Variants in PTPN4 observed in about 807,000 individuals in gnomAD.
PTPN4 encodes the protein protein tyrosine phosphatase non-receptor type 4.
Under a neutral mutation model 135.5 loss-of-function variants are expected in PTPN4, and 49 were observed. The observed-to-expected ratio is 0.36, with a 90% confidence interval of 0.29 to 0.46. The LOEUF (loss-of-function observed/expected upper bound fraction) is 0.46, where lower values mean the gene tolerates loss of function less well. Among genes scored for constraint, PTPN4 ranks in the 20% least tolerant of loss-of-function variants. The probability of loss-of-function intolerance (pLI) is 1.00; values close to 1 mark genes in which losing one functional copy is unlikely to be tolerated. For missense variants in PTPN4, 860 were observed against 1,101.0 expected (o/e 0.78, Z 3.10); for synonymous variants, 333 against 369.9 (o/e 0.90, Z 1.14).
intron 8 of PTPN4, among the ~76,000 whole-genome samples, chr2:119,883,895 C>T (rs1392352370): frequency 6.6e-6 from 1 of 152,104 alleles, no homozygotes; most frequent in African/African-American, 2.4e-5. Flanking sequence ...GTATCTAAAA[C>T]AGGATAACAA....
intron 2 of PTPN4, among the ~76,000 whole-genome samples, chr2:119,828,001 G>C (rs1677169597): frequency 6.6e-6 from 1 of 152,160 alleles, no homozygotes; most frequent in African/African-American, 2.4e-5. Context: ...TTTTAACCCT[G>C]ACAGTAAAGT....
chr2:119,888,325 G>A (rs895059000), intron 9 of PTPN4, among the ~76,000 whole-genome samples: 3 of 151,984 alleles, frequency 2.0e-5, no homozygotes, highest in Non-Finnish European at 4.4e-5. Flanking sequence ...TTCCCAATTT[G>A]GATACCTTTT....
At chr2:119,775,132 A>G (rs1441752918) in intron 1 of PTPN4, among the ~76,000 whole-genome samples, 2 of 148,632 alleles carry the variant, frequency 1.3e-5, no homozygotes, top group African/African-American at 2.5e-5. Context: ...AAAAGCCACA[A>G]AGGACATTTA....
intron 10 of PTPN4, among the ~76,000 whole-genome samples, chr2:119,912,204 T>G (rs1678581456): frequency 6.6e-6 from 1 of 152,204 alleles, no homozygotes; most frequent in Non-Finnish European, 1.5e-5. Flanking sequence ...ATGCTTCCAT[T>G]TATATAAATT....
In PTPN4 at chr2:119,965,255, A is replaced by G. The variant is rs551986962; in HGVS notation, c.2410-242A>G. ...TAATGTCCCAAGTTGTTATCTGTAG[A>G]GCAGTTAAGGGGAACTATAATCTTG... On this transcript the variant is annotated intron_variant, in intron 24 of 26. Transcript: ENST00000263708. Among the ~76,000 whole-genome samples the G allele has an allele frequency of 5.3e-5, 8 of 152,290 alleles. No homozygotes were observed. The East Asian group carries it at 1.3e-3, about 26-fold the overall frequency.
chr2:119,961,533 G>A (rs1679366839), intron 23 of PTPN4, among the ~76,000 whole-genome samples: 1 of 152,180 alleles, frequency 6.6e-6, no homozygotes, highest in Non-Finnish European at 1.5e-5. Flanking sequence ...CGTCGAGTTG[G>A]TATAACTTAG....
intron 2 of PTPN4, among the ~76,000 whole-genome samples, chr2:119,814,439 T>C (rs1676957483): frequency 6.6e-6 from 1 of 152,160 alleles, no homozygotes; most frequent in South Asian, 2.1e-4. Context: ...AGAGAAGTCA[T>C]GTAGGGGCTG....
chr2:119,878,937 CA>C (rs1678026876), intron 5 of PTPN4, among the ~76,000 whole-genome samples: 1 of 151,222 alleles, frequency 6.6e-6, no homozygotes. Flanking sequence ...ACTAAAAATA[CA>C]AAAAATTAGC....
intron 2 of PTPN4, among the ~76,000 whole-genome samples, chr2:119,860,105 A>T (rs950221185): frequency 1.2e-4 from 18 of 152,344 alleles, no homozygotes; most frequent in African/African-American, 4.1e-4. Flanking sequence ...TAGTTTCTTC[A>T]ACCAAAGGTA....
intron 1 of PTPN4, among the ~76,000 whole-genome samples, chr2:119,803,222 A>G (rs902607058): frequency 1.3e-5 from 2 of 151,856 alleles, no homozygotes; most frequent in Admixed American, 6.6e-5. Context: ...TCTGTTTGCT[A>G]TGAGTTCATT....
At chr2:119,862,238 TA>T (rs1271057545) in intron 2 of PTPN4, among the ~76,000 whole-genome samples, 1 of 152,204 alleles carries the variant, frequency 6.6e-6, no homozygotes, top group Non-Finnish European at 1.5e-5. Flanking sequence ...GGTTGTTTTC[TA>T]AAAGTGCTGT....
intron 9 of PTPN4, 34 bp from the exon 10 acceptor site, chr2:119,900,684 A>G: frequency 7.7e-7 from 1 of 1,290,882 alleles, no homozygotes; most frequent in Non-Finnish European, 1.1e-6. Context: ...CCATAAATTT[A>G]GATTTATCAT....
chr2:119,810,028 C>G (rs746487580), intron 2 of PTPN4, 37 bp downstream of exon 2: 1 of 1,569,228 alleles, frequency 6.4e-7, no homozygotes, highest in South Asian at 1.2e-5. Context: ...TAATCTCTGG[C>G]TATAAGTCTG....
intron 2 of PTPN4, among the ~76,000 whole-genome samples, chr2:119,813,516 G>T (rs1676934296): frequency 1.3e-5 from 2 of 152,006 alleles, no homozygotes; most frequent in South Asian, 4.2e-4. Flanking sequence ...CAAAGTGCTA[G>T]GATTACAGGC....
intron 2 of PTPN4, among the ~76,000 whole-genome samples, chr2:119,810,483 G>A (rs1691557547): frequency 6.6e-6 from 1 of 152,134 alleles, no homozygotes; most frequent in Non-Finnish European, 1.5e-5. Flanking sequence ...TACCCATGTG[G>A]TGTGTTAACA....
At position 119,967,844 on chromosome 2, in the gene PTPN4, A is replaced by G. The variant is rs767149976; in HGVS notation, c.2566A>G (p.Ile856Val). ...EPVVVHCSAGIGRTGVLITME... is the reference protein window; with the variant it reads ...EPVVVHCSAGVGRTGVLITME... ...TATATTTGTCTTTTTTAGTGCTGGA[A>G]TCGGAAGAACTGGGGTTCTTATTAC... The change falls in exon 26 of 27, where the codon ATC becomes GTC. Residue 856 changes from isoleucine to valine, a missense_variant. Around this residue, in one of 2 missense-constraint regions of PTPN4, gnomAD observed 176 missense variants for 294.1 expected, o/e 0.60. Coordinates refer to ENST00000263708, the MANE Select transcript of PTPN4 (RefSeq NM_002830.4). 1.2e-6 allele frequency: 2 copies of G among 1,601,642 alleles called. No individual in the cohort carries two copies. The highest frequency in any genetic ancestry group is 1.3e-5 in the African/African-American group (1 of 74,772).
chr2:119,801,738 GTTGATGTAT>G (rs1186476376), intron 1 of PTPN4, among the ~76,000 whole-genome samples: 3 of 152,082 alleles, frequency 2.0e-5, no homozygotes, highest in African/African-American at 7.2e-5. Context: ...ATTTTTGTAT[GTTGATGTAT>G]TGGGTGACCT....
At chr2:119,786,223 C>A (rs955154108) in intron 1 of PTPN4, among the ~76,000 whole-genome samples, 11 of 152,104 alleles carry the variant, frequency 7.2e-5, no homozygotes, top group Non-Finnish European at 1.2e-4. Flanking sequence ...TTGAGAGATA[C>A]TTCACCTTCT....
rs867502607 is a variant in PTPN4, at chr2:119,784,509, C to T, written c.-18+24125C>T. Among the ~76,000 whole-genome samples, 116 of 150,562 alleles carry T rather than the reference C, an allele frequency of 7.7e-4. No individual in the cohort carries two copies. In the Middle Eastern group the frequency reaches 0.017, roughly 22 times the overall value. On this transcript the variant is annotated intron_variant, in intron 1 of 26. Coordinates refer to ENST00000263708, the MANE Select transcript of PTPN4 (RefSeq NM_002830.4). ...TCACGCCATTCTCCTGCCTCAGCCT[C>T]CCGAGTAGCTGGGACTACAGGCGCC...
Sources: allele counts gnomAD v4.1 joint callset (sites outside exome capture counted in the v4.1 genomes callset), GRCh38; gene constraint gnomAD v4.1.1; regional missense constraint gnomAD v4.1.1; transcripts MANE v1.5; gene names NCBI Gene and HGNC (gene_info 2026-07-23, HGNC 2026-07-21).